Variants in MTMR6 observed in about 807,000 individuals in gnomAD.
The protein encoded by MTMR6 is phosphatidylinositol-3,5-bisphosphate 3-phosphatase MTMR6.
Under a neutral mutation model 80.1 loss-of-function variants are expected in MTMR6, and 47 were observed. That is an observed-to-expected ratio of 0.59 (90% CI 0.46 to 0.75). The LOEUF (loss-of-function observed/expected upper bound fraction) is 0.75. Among genes scored for constraint, MTMR6 ranks in the 30% least tolerant of loss-of-function variants. MTMR6 has a pLI of 0.00. For missense variants in MTMR6, 629 were observed against 730.9 expected (o/e 0.86, Z 1.61); for synonymous variants, 254 against 253.0 (o/e 1.00, Z -0.04).
At chr13:25,255,605 C>T (rs1195160905) in intron 9 of MTMR6, among the ~76,000 whole-genome samples, 1 of 152,146 alleles carries the variant, frequency 6.6e-6, no homozygotes, top group Admixed American at 6.5e-5. Flanking sequence ...CTCACTGCAA[C>T]CTCCGCCTCC....
intron 1 of MTMR6, among the ~76,000 whole-genome samples, chr13:25,279,551 T>C (rs990994348): frequency 1.3e-5 from 2 of 152,200 alleles, no homozygotes; most frequent in African/African-American, 2.4e-5. Flanking sequence ...AAGTAAATAT[T>C]TGCAAAACTA....
intron 2 of MTMR6, among the ~76,000 whole-genome samples, chr13:25,270,892 T>C (rs17082079): frequency 0.045 from 6,842 of 152,194 alleles, 511 homozygotes; most frequent in African/African-American, 0.16. Flanking sequence ...ATAATTGACC[T>C]CTAATCTTGA....
chr13:25,271,328 G>T (rs1172880663), intron 2 of MTMR6, among the ~76,000 whole-genome samples: 4 of 152,086 alleles, frequency 2.6e-5, no homozygotes, highest in Admixed American at 6.6e-5. Flanking sequence ...TGCAAGGTTT[G>T]GCACCATGTT....
At chr13:25,278,781 A>C (rs1278092924) in intron 1 of MTMR6, among the ~76,000 whole-genome samples, 2 of 149,010 alleles carry the variant, frequency 1.3e-5, no homozygotes, top group Admixed American at 1.3e-4. Flanking sequence ...GCTACTTAGG[A>C]GGCTGAGGCA....
At chr13:25,260,823 A>G (rs1381263243) in intron 6 of MTMR6, 1 of 336,830 alleles carries the variant, frequency 3.0e-6, no homozygotes, top group African/African-American at 2.2e-5. Context: ...TGTCCCAATG[A>G]TAAAAATTTG....
chr13:25,251,928 T>C lies in MTMR6; in HGVS notation c.1403A>G (p.Tyr468Cys). Residue 468 changes from tyrosine to cysteine, a missense_variant, in exon 12 of 14, where the codon TAC becomes TGC. By Grantham distance (194) the Tyr-to-Cys change is radical. Transcript: ENST00000381801. This position sits in a 1 kb window ranked among gnomAD's most constrained non-coding sequence, Gnocchi z 4.1. ...TTCGGAACTGTAGAGAGGATTTAAGTACTTCTTTTGGTCTTCCAAAAGAAA... is the reference window on the plus strand; with the variant it reads ...TTCGGAACTGTAGAGAGGATTTAAGCACTTCTTTTGGTCTTCCAAAAGAAA... ...WPFLLEDQKK[Y>C]LNPLYSSESH... 6.2e-7 allele frequency: 1 copy of C among 1,609,714 alleles called. No individual in the cohort carries two copies. The highest frequency in any genetic ancestry group is 8.5e-7 in the Non-Finnish European group (1 of 1,178,408).
At chr13:25,257,699 T>C (rs1484194179) in intron 8 of MTMR6, 37 bp downstream of exon 8, 3 of 1,467,934 alleles carry the variant, frequency 2.0e-6, no homozygotes, top group African/African-American at 1.4e-5. Flanking sequence ...CCAATCATTA[T>C]AGACCCCAAG....
intron 1 of MTMR6, among the ~76,000 whole-genome samples, chr13:25,286,129 TTTCAGAATC>T (rs948708643): frequency 3.9e-4 from 59 of 152,210 alleles, no homozygotes; most frequent in African/African-American, 1.4e-3. Context: ...AGGGGTTAGT[TTTCAGAATC>T]TTCAATTTTA....
At chr13:25,257,350 C>G (rs150151685) in intron 8 of MTMR6, 29 bp from the exon 9 acceptor site, 22 of 1,610,486 alleles carry the variant, frequency 1.4e-5, no homozygotes, top group Non-Finnish European at 1.9e-5. Flanking sequence ...TACATTCTAG[C>G]GTACTTTAAG....
chr13:25,268,613 G>T (rs1471976954), intron 2 of MTMR6, among the ~76,000 whole-genome samples: 1 of 152,182 alleles, frequency 6.6e-6, no homozygotes. Context: ...CCCTTTCCAA[G>T]TAAGTTAGGC....
chr13:25,264,201 C>T (rs1191858693), intron 5 of MTMR6, among the ~76,000 whole-genome samples: 2 of 150,194 alleles, frequency 1.3e-5, no homozygotes, highest in Non-Finnish European at 3.0e-5. Flanking sequence ...AAAAACACCA[C>T]AGCAAAAAAA....
rs73464608 is a variant in MTMR6 at position 25,261,970 on chromosome 13, C to T, written c.592-168G>A. Among the ~76,000 whole-genome samples, 931 of 152,210 alleles carry T rather than the reference C, an allele frequency of 6.1e-3. 12 individuals carry two copies. Among genetic ancestry groups the T allele is most frequent in the African/African-American group, 0.021 (858 of 41,538 alleles). ...ATACTATTTCAATATTTTGACATTC[C>T]TAAGTTTTCCCAATATTCTATTCTC... On this transcript the variant is annotated intron_variant, in intron 5 of 13. Coordinates refer to ENST00000381801, the MANE Select transcript of MTMR6 (RefSeq NM_004685.5).
At position 25,261,303 on chromosome 13, in the gene MTMR6, TAAAAAAAAAAA is replaced by T. The variant is rs56833434; in HGVS notation, c.726+354_726+364del. Among the ~76,000 whole-genome samples, 169 of 40,882 alleles carry T rather than the reference TAAAAAAAAAAA, an allele frequency of 4.1e-3. 1 individual carries two copies. The highest frequency in any genetic ancestry group is 0.01 in the African/African-American group (121 of 11,534). The allele number at this position is 40,882 out of a possible 152,430, so 26.8% of individuals were successfully genotyped here. A position where few individuals can be genotyped will look rare whatever the true frequency, so the allele number is the denominator to read the frequency against. On this transcript the variant is annotated intron_variant, in intron 6 of 13. Coordinates refer to ENST00000381801, the MANE Select transcript of MTMR6 (RefSeq NM_004685.5). The stretch of plus-strand genomic sequence containing the variant: ...AGGGTGACAGAGTGCAACTCTGTCT[TAAAAAAAAAAA>T]AAAAAAAAAAAAAAAAAAAGAATAG...
In MTMR6 at chr13:25,260,638, A is replaced by C. The variant is rs1318658629; in HGVS notation, c.726+1030T>G. The C allele has an allele frequency of 1.4e-5, 18 of 1,287,900 alleles. No individual in the cohort carries two copies. In the Admixed American group the frequency reaches 4.2e-4, roughly 30 times the overall value. The allele number at this position is 1,287,900 out of a possible 1,614,324, so 79.8% of individuals were successfully genotyped here. A position where few individuals can be genotyped will look rare whatever the true frequency, so the allele number is the denominator to read the frequency against. On this transcript the variant is annotated intron_variant, in intron 6 of 13. Coordinates refer to ENST00000381801, the MANE Select transcript of MTMR6 (RefSeq NM_004685.5). ...CTGGATTTTTGAAGAAATCCTCACT[A>C]TAATTCTGCCAATGTCCTTTTGTGT...
At chr13:25,271,144 TA>T (rs1266753575) in intron 2 of MTMR6, among the ~76,000 whole-genome samples, 1 of 151,928 alleles carries the variant, frequency 6.6e-6, no homozygotes, top group East Asian at 1.9e-4. Flanking sequence ...CCTCAAGAGA[TA>T]AAAAATACTA....
At chr13:25,287,156 T>C in intron 1 of MTMR6, 68 bp downstream of exon 1, 2 of 1,548,786 alleles carry the variant, frequency 1.3e-6, no homozygotes, top group African/African-American at 1.4e-5. Context: ...AGCAGAGCCT[T>C]CGTCTCCTCC....
chr13:25,263,411 C>G (rs1189957238), intron 5 of MTMR6, among the ~76,000 whole-genome samples: 1 of 152,204 alleles, frequency 6.6e-6, no homozygotes, highest in Admixed American at 6.5e-5. Context: ...ACAATAGACA[C>G]AGCTGTGGGC....
intron 5 of MTMR6, among the ~76,000 whole-genome samples, chr13:25,265,517 G>A (rs1012313196): frequency 7.2e-5 from 11 of 152,118 alleles, no homozygotes; most frequent in Admixed American, 6.5e-4. Flanking sequence ...TAAGGCAGGT[G>A]GATCACTTGA....
At chr13:25,257,079 G>A (rs1452902659) in intron 9 of MTMR6, 117 bp downstream of exon 9, 1 of 1,110,104 alleles carries the variant, frequency 9.0e-7, no homozygotes, top group Non-Finnish European at 1.3e-6. Context: ...TCCCACGGAT[G>A]CCAGTCTCAT....
Sources: allele counts gnomAD v4.1 joint callset (sites outside exome capture counted in the v4.1 genomes callset), GRCh38; gene constraint gnomAD v4.1.1; non-coding constraint Gnocchi (gnomAD v3.1); transcripts MANE v1.5; gene names NCBI Gene and HGNC (gene_info 2026-07-23, HGNC 2026-07-21).